Variants in ADGRL3 observed in about 807,000 individuals in gnomAD.
The protein encoded by ADGRL3 is calcium-independent alpha-latrotoxin receptor 3.
In ADGRL3, 62 loss-of-function variants were observed where a neutral mutation model predicts 153.5. The ratio of observed to expected loss-of-function variants is 0.40; its 90% CI spans 0.33 to 0.50. The LOEUF is 0.50. Among genes scored for constraint, ADGRL3 ranks in the 20% least tolerant of loss-of-function variants. The pLI, the probability that ADGRL3 is intolerant of heterozygous loss-of-function variation, is 0.47. For missense variants in ADGRL3, 1,641 were observed against 1,859.4 expected, an observed-to-expected ratio of 0.88 and a Z score of 2.16; for synonymous variants, 710 against 672.5, an observed-to-expected ratio of 1.06 and a Z score of -0.86.
At chr4:61,242,893 G>T (rs1208385426) in intron 1 of ADGRL3, among the ~76,000 whole-genome samples, 3 of 151,892 alleles carry the variant, frequency 2.0e-5, no homozygotes, top group African/African-American at 7.3e-5. Flanking sequence ...AACAATTATT[G>T]AACAGTTGTT....
At chr4:61,498,910 G>T (rs2098352110) in intron 3 of ADGRL3, among the ~76,000 whole-genome samples, 1 of 152,080 alleles carries the variant, frequency 6.6e-6, no homozygotes, top group South Asian at 2.1e-4. Context: ...TTTTCACTAA[G>T]ATGAAAATGT....
In ADGRL3 at chr4:62,073,798, A is replaced by G. The variant is rs1310516200; in HGVS notation, c.*2890A>G. The stretch of plus-strand genomic sequence containing the variant: ...TACTACCAAGCTCTTGCATCAAGAA[A>G]AAAGAGTGAGATTTTTGAACTCTAT... On this transcript the variant is annotated 3_prime_UTR_variant, in exon 27 of 27. Transcript: ENST00000683033. The G allele has an allele frequency of 1.3e-5, 2 of 152,094 alleles. No individual in the cohort carries two copies. The highest frequency in any genetic ancestry group is 2.9e-5 in the Non-Finnish European group (2 of 67,994). 9.4% of individuals were successfully genotyped at this position (152,094 alleles called of 1,614,324 possible).
chr4:61,558,536 A>G (rs1320325145), intron 4 of ADGRL3, among the ~76,000 whole-genome samples: 1 of 151,758 alleles, frequency 6.6e-6, no homozygotes, highest in Admixed American at 6.6e-5. Flanking sequence ...ACCACTTTTT[A>G]TCTATCTAGA....
rs1280682731 is a variant in ADGRL3, at chr4:61,625,515, A to G, written c.473+38075A>G. Among the ~76,000 whole-genome samples, 7 of 152,184 alleles carry G rather than the reference A, an allele frequency of 4.6e-5. No individual in the cohort carries two copies. The East Asian group carries it at 1.4e-3, about 29-fold the overall frequency. On this transcript the variant is annotated intron_variant, in intron 5 of 26. Transcript: ENST00000683033. The stretch of plus-strand genomic sequence containing the variant: ...ATATATATCAGCACATACATTCGTT[A>G]CGTTGCTAATTTATAATTTCTCTCT...
At chr4:61,344,345 G>A (rs1376014975) in intron 1 of ADGRL3, among the ~76,000 whole-genome samples, 1 of 152,144 alleles carries the variant, frequency 6.6e-6, no homozygotes, top group Non-Finnish European at 1.5e-5. Flanking sequence ...CCTGAGTAAA[G>A]TACAAGTTAA....
intron 13 of ADGRL3, among the ~76,000 whole-genome samples, chr4:61,925,301 A>C (rs981430898): frequency 6.6e-6 from 1 of 152,036 alleles, no homozygotes; most frequent in Non-Finnish European, 1.5e-5. Context: ...TTCTTACTTC[A>C]TTTGCCCCTC....
At chr4:61,367,335 C>T (rs1327257807) in intron 1 of ADGRL3, among the ~76,000 whole-genome samples, 1 of 151,896 alleles carries the variant, frequency 6.6e-6, no homozygotes, top group Non-Finnish European at 1.5e-5. Flanking sequence ...GTGCTGCACC[C>T]ACTAACTCAT....
chr4:61,311,301 C>T (rs2094994714), intron 1 of ADGRL3, among the ~76,000 whole-genome samples: 1 of 152,092 alleles, frequency 6.6e-6, no homozygotes, highest in Admixed American at 6.6e-5. Flanking sequence ...GTTATTCCTT[C>T]TGGAATATAT....
At position 61,975,564 on chromosome 4, in the gene ADGRL3, G is replaced by T. The variant is rs865789781; in HGVS notation, c.2806-3999G>T. 5.9e-5 allele frequency among the ~76,000 whole-genome samples: 9 copies of T among 152,288 alleles called. No individual in the cohort carries two copies. The South Asian group carries it at 1.0e-3, about 18-fold the overall frequency. On this transcript the variant is annotated intron_variant, in intron 17 of 26. Transcript: ENST00000683033. Reference sequence around the variant, plus strand: ...TTGAGTGGGAGCCATTGGAGGCTTTGATTAGAGGAGCAATGTCGTGTGACT... The same window carrying T: ...TTGAGTGGGAGCCATTGGAGGCTTTTATTAGAGGAGCAATGTCGTGTGACT...
chr4:61,344,966 T>G (rs1393174138), intron 1 of ADGRL3, among the ~76,000 whole-genome samples: 25 of 151,434 alleles, frequency 1.7e-4, no homozygotes, highest in African/African-American at 5.8e-4. Flanking sequence ...TTTTTTTTTT[T>G]TTGTATTTTT....
In ADGRL3 at chr4:61,343,956, C is replaced by A. The variant is rs1467834255; in HGVS notation, c.-239-39168C>A. On this transcript the variant is annotated intron_variant, in intron 1 of 26. Coordinates refer to ENST00000683033, the MANE Select transcript of ADGRL3 (RefSeq NM_001387552.1). The stretch of plus-strand genomic sequence containing the variant: ...ACTTCACTTTATGTGCTTGTTTAGT[C>A]ACTCTGAATGTCTGTGATAGGTATA... Among the ~76,000 whole-genome samples, 3 of 152,166 alleles carry A rather than the reference C, an allele frequency of 2.0e-5. No individual in the cohort carries two copies. The East Asian group carries it at 5.8e-4, about 29-fold the overall frequency.
intron 25 of ADGRL3, among the ~76,000 whole-genome samples, chr4:62,058,455 G>A (rs543599586): frequency 1.6e-3 from 236 of 152,152 alleles, no homozygotes; most frequent in African/African-American, 5.4e-3. Context: ...TCAATTTCAC[G>A]TACATTTTTC....
intron 5 of ADGRL3, among the ~76,000 whole-genome samples, chr4:61,647,531 T>C (rs1367261303): frequency 6.6e-6 from 1 of 152,148 alleles, no homozygotes; most frequent in Admixed American, 6.5e-5. Flanking sequence ...GGGGAAAAAG[T>C]ATTTTCTTTT....
intron 1 of ADGRL3, among the ~76,000 whole-genome samples, chr4:61,251,506 A>G (rs1759250230): frequency 6.6e-6 from 1 of 152,220 alleles, no homozygotes; most frequent in Non-Finnish European, 1.5e-5. Context: ...AGGCCCTCCC[A>G]GATTCAAGGT....
intron 21 of ADGRL3, among the ~76,000 whole-genome samples, chr4:62,005,999 CACACATATAT>C (rs1411294065): frequency 8.5e-5 from 7 of 82,588 alleles, no homozygotes; most frequent in African/African-American, 3.1e-4. Context: ...CACACACACA[CACACATATAT>C]ATATATATAT....
At chr4:61,309,006 A>T (rs17090427) in intron 1 of ADGRL3, among the ~76,000 whole-genome samples, 1 of 152,116 alleles carries the variant, frequency 6.6e-6, no homozygotes, top group Non-Finnish European at 1.5e-5. Context: ...TTCTTCAATT[A>T]TATTTTTGCT....
intron 2 of ADGRL3, 114 bp from the exon 3 acceptor site, chr4:61,497,007 T>C (rs2098327446): frequency 3.0e-6 from 1 of 335,988 alleles, no homozygotes; most frequent in African/African-American, 2.2e-5. Flanking sequence ...GTTTATTTCA[T>C]TAAGATCTGA....
At chr4:61,883,273 C>CTAAT (rs2098519142) in intron 9 of ADGRL3, among the ~76,000 whole-genome samples, 1 of 152,118 alleles carries the variant, frequency 6.6e-6, no homozygotes, top group Non-Finnish European at 1.5e-5. Context: ...GTCTCTCCTA[C>CTAAT]TAATGTAAGC....
intron 1 of ADGRL3, among the ~76,000 whole-genome samples, chr4:61,319,634 G>A (rs1342413403): frequency 1.3e-5 from 2 of 152,118 alleles, no homozygotes; most frequent in Admixed American, 6.5e-5. Context: ...GAGAATTAAT[G>A]TATCTCATTG....
Sources: allele counts gnomAD v4.1 joint callset (sites outside exome capture counted in the v4.1 genomes callset), GRCh38; gene constraint gnomAD v4.1.1; transcripts MANE v1.5; gene names NCBI Gene and HGNC (gene_info 2026-07-23, HGNC 2026-07-21).